RNGTT: variants seen among roughly 807,000 people sequenced by gnomAD.
RNGTT encodes the protein RNA guanylyltransferase and 5'-phosphatase.
RNGTT carries 33 observed loss-of-function variants against 79.3 expected under a neutral mutation model. That is an observed-to-expected ratio of 0.42 (90% CI 0.32 to 0.56). The LOEUF (loss-of-function observed/expected upper bound fraction) is 0.56. RNGTT is among the 20% of genes least tolerant of loss of function. The pLI is 0.17. For missense variants in RNGTT, 497 were observed against 739.1 expected, an observed-to-expected ratio of 0.67 and a Z score of 3.80; for synonymous variants, 222 against 235.9, an observed-to-expected ratio of 0.94 and a Z score of 0.54.
At chr6:88,906,302 C>T in intron 5 of RNGTT, 63 bp downstream of exon 5, 1 of 1,104,500 alleles carries the variant, frequency 9.1e-7, no homozygotes, top group Non-Finnish European at 1.3e-6. Context: ...AATTCTGCAA[C>T]TAAAATATCA....
intron 4 of RNGTT, among the ~76,000 whole-genome samples, chr6:88,918,708 A>C (rs895950821): frequency 1.6e-4 from 25 of 152,236 alleles, no homozygotes; most frequent in Admixed American, 1.3e-3. Context: ...CTTTGTAAGA[A>C]AAAGTGCTTC....
intron 11 of RNGTT, 105 bp downstream of exon 11, chr6:88,844,252 T>G: frequency 9.1e-7 from 1 of 1,095,268 alleles, no homozygotes; most frequent in South Asian, 1.6e-5. Context: ...GAGTATTTTC[T>G]GACAAAGTCA....
chr6:88,809,419 A>C (rs1448657061), intron 11 of RNGTT, among the ~76,000 whole-genome samples: 3 of 152,164 alleles, frequency 2.0e-5, no homozygotes, highest in Non-Finnish European at 4.4e-5. Flanking sequence ...GGAAGCGTAG[A>C]TCACTATAAA....
At chr6:88,877,459 T>C (rs1307396810) in intron 8 of RNGTT, among the ~76,000 whole-genome samples, 3 of 152,202 alleles carry the variant, frequency 2.0e-5, no homozygotes, top group Non-Finnish European at 4.4e-5. Context: ...ATGCATTTTC[T>C]CAGAACCAAT....
chr6:88,738,070 G>C (rs1777344082), intron 13 of RNGTT, among the ~76,000 whole-genome samples: 1 of 152,110 alleles, frequency 6.6e-6, no homozygotes, highest in Admixed American at 6.5e-5. Flanking sequence ...ACTTTAGCCA[G>C]GTGGTCAAGG....
rs181069695 is a variant in RNGTT, at chr6:88,655,857, T to C, written c.1506+22496A>G. On this transcript the variant is annotated intron_variant, in intron 14 of 15. Transcript: ENST00000369485. ...TAACAACCCTTTGGCTGATTAAATG[T>C]GATCTTGAGAGGCTTCAATCCTTCT... Among the ~76,000 whole-genome samples, 287 of 152,310 alleles carry C rather than the reference T, an allele frequency of 1.9e-3. 4 individuals carry two copies. Among genetic ancestry groups the C allele is most frequent in the African/African-American group, 6.8e-3 (281 of 41,560 alleles).
rs143869624 is a variant in RNGTT at position 88,617,038 on chromosome 6, C to T, written c.1507-2643G>A. On this transcript the variant is annotated intron_variant, in intron 14 of 15. Coordinates refer to ENST00000369485, the MANE Select transcript of RNGTT (RefSeq NM_003800.5). Reference sequence around the variant, plus strand: ...CTGTAATCCCAGCACTTTGGGAGGCCGAGGTGGGCAGATCATGAGGTCAGA... The same window carrying T: ...CTGTAATCCCAGCACTTTGGGAGGCTGAGGTGGGCAGATCATGAGGTCAGA... Among the ~76,000 whole-genome samples, 962 of 152,256 alleles carry T rather than the reference C, an allele frequency of 6.3e-3. 12 individuals carry two copies. Among genetic ancestry groups the T allele is most frequent in the African/African-American group, 0.02 (837 of 41,518 alleles).
chr6:88,794,105 A>G (rs1779511208), intron 12 of RNGTT, among the ~76,000 whole-genome samples: 1 of 152,222 alleles, frequency 6.6e-6, no homozygotes, highest in African/African-American at 2.4e-5. Context: ...TCTACATTTT[A>G]CAGATGAAAA....
chr6:88,875,464 T>G (rs1023066933), intron 8 of RNGTT, among the ~76,000 whole-genome samples: 1 of 152,054 alleles, frequency 6.6e-6, no homozygotes, highest in Non-Finnish European at 1.5e-5. Context: ...ACAGAAAAAT[T>G]CATCTATTAG....
chr6:88,925,637 T>C (rs1415164546), intron 4 of RNGTT, among the ~76,000 whole-genome samples: 3 of 151,566 alleles, frequency 2.0e-5, no homozygotes, highest in Non-Finnish European at 4.4e-5. Context: ...TCATCATTAA[T>C]AGCCACCATA....
chr6:88,803,152 G>A (rs919742068), intron 11 of RNGTT, among the ~76,000 whole-genome samples: 20 of 152,142 alleles, frequency 1.3e-4, no homozygotes, highest in Admixed American at 1.3e-3. Context: ...ACTGAGGGCA[G>A]TTCAAATTTG....
chr6:88,793,264 T>C (rs1562255719), intron 12 of RNGTT, among the ~76,000 whole-genome samples: 1 of 152,204 alleles, frequency 6.6e-6, no homozygotes, highest in Non-Finnish European at 1.5e-5. Flanking sequence ...TAAAATTTCA[T>C]AGAAAATGAA....
intron 14 of RNGTT, among the ~76,000 whole-genome samples, chr6:88,657,624 A>G (rs1184342208): frequency 6.6e-6 from 1 of 152,066 alleles, no homozygotes; most frequent in African/African-American, 2.4e-5. Context: ...GAGGCCTGAG[A>G]GCCCTGCTTG....
intron 13 of RNGTT, among the ~76,000 whole-genome samples, chr6:88,754,918 A>G (rs1405550479): frequency 1.3e-5 from 2 of 152,216 alleles, no homozygotes; most frequent in African/African-American, 2.4e-5. Context: ...GCTTGCTGTC[A>G]ATAAATATAT....
chr6:88,918,419 AG>A (rs144470829), intron 4 of RNGTT, among the ~76,000 whole-genome samples: 1,859 of 152,282 alleles, frequency 0.012, 35 homozygotes, highest in African/African-American at 0.043. Context: ...TCTTTTAAAA[AG>A]TCAGCTGAGA....
intron 11 of RNGTT, among the ~76,000 whole-genome samples, chr6:88,830,470 A>G (rs1454106935): frequency 6.6e-6 from 1 of 152,322 alleles, no homozygotes; most frequent in Non-Finnish European, 1.5e-5. Flanking sequence ...CACAGGAGAA[A>G]GCGGGAAAGA....
chr6:88,939,966 C>T (rs1784795097), intron 2 of RNGTT, among the ~76,000 whole-genome samples: 1 of 151,562 alleles, frequency 6.6e-6, no homozygotes, highest in Admixed American at 6.6e-5. Context: ...CTATGCTGCC[C>T]ACACTGGTCT....
At chr6:88,879,323 G>A (rs1405091129) in intron 8 of RNGTT, among the ~76,000 whole-genome samples, 2 of 152,202 alleles carry the variant, frequency 1.3e-5, no homozygotes, top group Non-Finnish European at 2.9e-5. Context: ...GAACCCAGGA[G>A]GCAGAGGTTG....
In RNGTT at chr6:88,809,604, C is replaced by T. The variant is rs1780070079; in HGVS notation, c.1270-7972G>A. 2.0e-5 allele frequency among the ~76,000 whole-genome samples: 3 copies of T among 152,144 alleles called. No homozygotes were observed. In the South Asian group the frequency reaches 6.2e-4, roughly 32 times the overall value. On this transcript the variant is annotated intron_variant, in intron 11 of 15. Transcript: ENST00000369485. ...TATTTGAAAATTAAATAACACACTT[C>T]TAAATAACCCAAGAATAAAAGAAGA...
Sources: allele counts gnomAD v4.1 joint callset (sites outside exome capture counted in the v4.1 genomes callset), GRCh38; gene constraint gnomAD v4.1.1; transcripts MANE v1.5; gene names NCBI Gene and HGNC (gene_info 2026-07-23, HGNC 2026-07-21).